PALD1: variants seen among roughly 807,000 people sequenced by gnomAD.
PALD1 encodes the protein paladin.
Under a neutral mutation model 96.0 loss-of-function variants are expected in PALD1, and 57 were observed. The ratio of observed to expected loss-of-function variants is 0.59; its 90% CI spans 0.48 to 0.74. The LOEUF is 0.74. Among genes scored for constraint, PALD1 ranks in the 30% least tolerant of loss-of-function variants. The pLI, the probability that PALD1 is intolerant of heterozygous loss-of-function variation, is 0.00. For synonymous variants in PALD1, 464 were observed against 473.6 expected (o/e 0.98, Z 0.26); for missense variants, 1,063 against 1,143.7 (o/e 0.93, Z 1.02).
At chr10:70,488,993 G>A (rs189028527) in intron 1 of PALD1, among the ~76,000 whole-genome samples, 2 of 152,166 alleles carry the variant, frequency 1.3e-5, no homozygotes, top group South Asian at 2.1e-4. Flanking sequence ...CAATGACCCC[G>A]ACTTGGCTGC....
At chr10:70,485,108 T>C (rs985134338) in intron 1 of PALD1, among the ~76,000 whole-genome samples, 13 of 152,236 alleles carry the variant, frequency 8.5e-5, no homozygotes, top group African/African-American at 2.9e-4. Context: ...AAAACCACCA[T>C]GTTTTTGAAA....
chr10:70,500,475 C>T (rs1846272945), intron 1 of PALD1, among the ~76,000 whole-genome samples: 1 of 152,184 alleles, frequency 6.6e-6, no homozygotes, highest in African/African-American at 2.4e-5. Context: ...CACCTTAATT[C>T]TTCCCACAAT....
At chr10:70,475,677 G>A (rs150705139), upstream of PALD1, among the ~76,000 whole-genome samples, 424 of 152,272 alleles carry the variant, frequency 2.8e-3, no homozygotes, top group African/African-American at 9.9e-3. Context: ...TGCCTGTCAG[G>A]AAATCATTTT....
intron 9 of PALD1, 85 bp downstream of exon 9, chr10:70,534,609 C>T (rs963148140): frequency 6.9e-6 from 8 of 1,163,704 alleles, no homozygotes; most frequent in East Asian, 5.0e-5. Context: ...TCTTCCTTCC[C>T]GATACCCTCC....
At chr10:70,459,817 C>A in the PALD1 span, among the ~76,000 whole-genome samples, 7 of 152,140 alleles carry the variant, frequency 4.6e-5, no homozygotes, top group South Asian at 2.1e-4. Flanking sequence ...CGTACTCCCC[C>A]TCAGCCACCC....
chr10:70,563,562 C>A (rs1847783843), intron 18 of PALD1, among the ~76,000 whole-genome samples: 1 of 152,256 alleles, frequency 6.6e-6, no homozygotes, highest in Non-Finnish European at 1.5e-5. Flanking sequence ...CTCTCCTGAG[C>A]CACTTCCTCT....
Position 70,539,694 on chromosome 10 carries a change from C to T in PALD1, c.1840C>T (p.Arg614Cys), listed in dbSNP as rs756962803. 51 of 1,613,608 alleles carry T rather than the reference C, an allele frequency of 3.2e-5. No individual in the cohort carries two copies. The highest frequency in any genetic ancestry group is 1.2e-4 in the South Asian group (11 of 91,082). Reference sequence around the variant, plus strand: ...CATGCAGGAGGTCTTCAGCCAGCACCGCAGGGCCTGTCCTGGCCTCACCTA... The same window carrying T: ...CATGCAGGAGGTCTTCAGCCAGCACTGCAGGGCCTGTCCTGGCCTCACCTA... ...LTMQEVFSQH[R>C]RACPGLTYHR... The change falls in exon 15 of 20, where the codon CGC (arginine) becomes TGC (cysteine). Residue 614 changes from arginine to cysteine, a missense_variant. Coordinates refer to ENST00000263563, the MANE Select transcript of PALD1 (RefSeq NM_014431.3). This position sits in a 1 kb window ranked among gnomAD's most constrained non-coding sequence, Gnocchi z 4.5.
intron 2 of PALD1, among the ~76,000 whole-genome samples, chr10:70,528,497 A>G (rs565354981): frequency 6.6e-6 from 1 of 152,306 alleles, no homozygotes; most frequent in South Asian, 2.1e-4. Flanking sequence ...GTCCAAAGCT[A>G]TAGAGTTACC....
chr10:70,561,960 A>G (rs1335341666), intron 18 of PALD1, among the ~76,000 whole-genome samples: 1 of 152,186 alleles, frequency 6.6e-6, no homozygotes, highest in Non-Finnish European at 1.5e-5. Flanking sequence ...CACGGAGGGC[A>G]GGGCCTGTGA....
Position 70,539,554 on chromosome 10 carries a change from G to A in PALD1, c.1726-26G>A, listed in dbSNP as rs773589364. On this transcript the variant is annotated intron_variant, in intron 14 of 19. Coordinates refer to ENST00000263563, the MANE Select transcript of PALD1 (RefSeq NM_014431.3). The surrounding 1 kb of genome is among the most constrained non-coding windows in gnomAD (Gnocchi z 4.5). ...AGCCTAGAGCCTGCCCCAGTGGCCTGTGTCCTCCCTCCTGCCCTTGCCCAG... is the reference window on the plus strand; with the variant it reads ...AGCCTAGAGCCTGCCCCAGTGGCCTATGTCCTCCCTCCTGCCCTTGCCCAG... 7.6e-6 allele frequency: 12 copies of A among 1,575,462 alleles called. No individual in the cohort carries two copies. In the South Asian group the frequency reaches 1.2e-4, roughly 16 times the overall value.
At chr10:70,477,584 C>G (rs980675130), upstream of PALD1, among the ~76,000 whole-genome samples, 9 of 152,156 alleles carry the variant, frequency 5.9e-5, no homozygotes, top group Non-Finnish European at 4.4e-5. Flanking sequence ...AGAAAAGTAC[C>G]GACCTTATAA....
At chr10:70,543,610 G>T (rs1345739302) in intron 17 of PALD1, among the ~76,000 whole-genome samples, 1 of 152,170 alleles carries the variant, frequency 6.6e-6, no homozygotes, top group Admixed American at 6.5e-5. Flanking sequence ...TGGATATCTG[G>T]TTTTTCCAGC....
chr10:70,539,287 C>T lies in PALD1; in HGVS notation c.1725+40C>T. 6.4e-7 allele frequency: 1 copy of T among 1,568,366 alleles called. No homozygotes were observed. Among genetic ancestry groups the T allele is most frequent in the Non-Finnish European group, 8.6e-7 (1 of 1,158,638 alleles). On this transcript the variant is annotated intron_variant, in intron 14 of 19. Coordinates refer to ENST00000263563, the MANE Select transcript of PALD1 (RefSeq NM_014431.3). This position sits in a 1 kb window ranked among gnomAD's most constrained non-coding sequence, Gnocchi z 4.5. ...CCTCTAGGCACCCCTGCCTCCGAGG[C>T]TTCTGGGGAGTGGCCTGGGAGGGTC...
At chr10:70,488,118 A>C (rs1180714703) in intron 1 of PALD1, among the ~76,000 whole-genome samples, 1 of 115,128 alleles carries the variant, frequency 8.7e-6, no homozygotes, top group Non-Finnish European at 1.8e-5. Context: ...ATAGTTTAAA[A>C]TTTCTCTCTC....
chr10:70,527,499 C>A (rs1216609042), intron 2 of PALD1, among the ~76,000 whole-genome samples: 2 of 152,190 alleles, frequency 1.3e-5, no homozygotes, highest in African/African-American at 4.8e-5. Flanking sequence ...CTTTCACTTA[C>A]ATAGTATCTG....
chr10:70,526,659 A>G (rs1846875024), intron 2 of PALD1, among the ~76,000 whole-genome samples: 1 of 152,066 alleles, frequency 6.6e-6, no homozygotes, highest in Admixed American at 6.5e-5. Flanking sequence ...GTGCATCCAG[A>G]GGAAGAGGGT....
rs1010644261 is a variant in PALD1, at chr10:70,481,015, C to T, written c.-30+1956C>T. On this transcript the variant is annotated intron_variant, in intron 1 of 19. Transcript: ENST00000263563. ...GTGGGCCACGTATGGGCTGCAGACACGTACATAGAAATACACCATTGCTGG... is the reference window on the plus strand; with the variant it reads ...GTGGGCCACGTATGGGCTGCAGACATGTACATAGAAATACACCATTGCTGG... Among the ~76,000 whole-genome samples the T allele has an allele frequency of 2.9e-4, 44 of 152,308 alleles. 1 individual carries two copies. The highest frequency in any genetic ancestry group is 1.0e-3 in the African/African-American group (42 of 41,550).
chr10:70,480,421 G>C (rs1411869263), intron 1 of PALD1, among the ~76,000 whole-genome samples: 1 of 152,158 alleles, frequency 6.6e-6, no homozygotes, highest in African/African-American at 2.4e-5. Flanking sequence ...CAGGCACTGG[G>C]CCAGTTTCCT....
At chr10:70,562,077 ACGTGC>A (rs1564713726) in intron 18 of PALD1, among the ~76,000 whole-genome samples, 1 of 152,198 alleles carries the variant, frequency 6.6e-6, no homozygotes, top group African/African-American at 2.4e-5. Context: ...TGTGGTGCAC[ACGTGC>A]CTTCTCATCC....
Sources: allele counts gnomAD v4.1 joint callset (sites outside exome capture counted in the v4.1 genomes callset), GRCh38; gene constraint gnomAD v4.1.1; non-coding constraint Gnocchi (gnomAD v3.1); transcripts MANE v1.5; gene names NCBI Gene and HGNC (gene_info 2026-07-23, HGNC 2026-07-21).